ERBB4: variants seen among roughly 807,000 people sequenced by gnomAD.
ERBB4 encodes receptor tyrosine-protein kinase erbB-4.
ERBB4 carries 42 observed loss-of-function variants against 158.0 expected under a neutral mutation model. The ratio of observed to expected loss-of-function variants is 0.27; its 90% CI spans 0.21 to 0.34. The LOEUF (loss-of-function observed/expected upper bound fraction) is 0.34, where lower values mean the gene tolerates loss of function less well. Among genes scored for constraint, ERBB4 ranks in the 10% least tolerant of loss-of-function variants. ERBB4 has a pLI of 1.00. For synonymous variants in ERBB4, 583 were observed against 558.7 expected (o/e 1.04, Z -0.61); for missense variants, 1,333 against 1,624.1 (o/e 0.82, Z 3.08).
At chr2:211,861,096 A>ATTTTT (rs1559585756) in intron 3 of ERBB4, among the ~76,000 whole-genome samples, 3 of 34,200 alleles carry the variant, frequency 8.8e-5, no homozygotes, top group Non-Finnish European at 1.6e-4. Context: ...AAATATATAA[A>ATTTTT]TACATTATAT....
chr2:212,342,026 A>G, intron 1 of ERBB4, among the ~76,000 whole-genome samples: 1 of 152,182 alleles, frequency 6.6e-6, no homozygotes, highest in Non-Finnish European at 1.5e-5. Context: ...TGGGAGGTCA[A>G]GGCAGGAGGA....
At chr2:211,882,363 G>A (rs2078687106) in intron 3 of ERBB4, among the ~76,000 whole-genome samples, 1 of 152,088 alleles carries the variant, frequency 6.6e-6, no homozygotes, top group Admixed American at 6.5e-5. Flanking sequence ...AGCTTATGCT[G>A]AGAATGAAAG....
intron 2 of ERBB4, among the ~76,000 whole-genome samples, chr2:211,956,187 G>T (rs149613693): frequency 0.023 from 3,463 of 151,944 alleles, 58 homozygotes; most frequent in Middle Eastern, 0.071. Context: ...TTTCCTATCA[G>T]ATAAACACAT....
intron 2 of ERBB4, among the ~76,000 whole-genome samples, chr2:212,107,669 T>A (rs1028263604): frequency 2.0e-5 from 3 of 152,120 alleles, no homozygotes; most frequent in African/African-American, 7.2e-5. Context: ...TTTGGCTGTG[T>A]CCCCACCCAA....
chr2:211,921,271 T>C lies in ERBB4; in HGVS notation c.421+26159A>G, dbSNP rs187645697. On this transcript the variant is annotated intron_variant, in intron 3 of 27. Transcript: ENST00000342788. Reference sequence around the variant, plus strand: ...TCCTTTTTCCCTCTCTTTCTTGTCATTAACCTTTCTTGCTGGCTAACATGA... The same window carrying C: ...TCCTTTTTCCCTCTCTTTCTTGTCACTAACCTTTCTTGCTGGCTAACATGA... Among the ~76,000 whole-genome samples, 395 of 152,160 alleles carry C rather than the reference T, an allele frequency of 2.6e-3. 2 individuals are homozygous for C. The highest frequency in any genetic ancestry group is 8.9e-3 in the African/African-American group (370 of 41,576).
intron 12 of ERBB4, among the ~76,000 whole-genome samples, chr2:211,679,653 G>A (rs1445437372): frequency 1.4e-5 from 2 of 147,074 alleles, no homozygotes; most frequent in East Asian, 4.0e-4. Context: ...GGTAAGAAGG[G>A]GAGAAAGGAA....
At chr2:211,649,105 G>A (rs1298506864) in intron 16 of ERBB4, among the ~76,000 whole-genome samples, 1 of 151,752 alleles carries the variant, frequency 6.6e-6, no homozygotes, top group African/African-American at 2.4e-5. Flanking sequence ...CTTAGATCAT[G>A]GAATTTATTG....
chr2:212,164,424 A>G (rs1392040208), intron 1 of ERBB4, among the ~76,000 whole-genome samples: 1 of 152,038 alleles, frequency 6.6e-6, no homozygotes, highest in African/African-American at 2.4e-5. Context: ...AAAACTTAAA[A>G]TTAGATTTGT....
chr2:211,939,147 T>C (rs568497368), intron 3 of ERBB4, among the ~76,000 whole-genome samples: 1 of 152,172 alleles, frequency 6.6e-6, no homozygotes, highest in Non-Finnish European at 1.5e-5. Flanking sequence ...TTAAGACCTA[T>C]TGCTCAAGTT....
chr2:211,672,624 C>A (rs760550839), intron 14 of ERBB4, among the ~76,000 whole-genome samples: 1 of 152,200 alleles, frequency 6.6e-6, no homozygotes, highest in Non-Finnish European at 1.5e-5. Flanking sequence ...CACAGTGCCA[C>A]AACAGTTAAA....
intron 2 of ERBB4, among the ~76,000 whole-genome samples, chr2:212,055,571 G>A (rs2077535994): frequency 1.3e-5 from 2 of 152,242 alleles, no homozygotes. Context: ...GTACCCCGCT[G>A]AGATGAAGCT....
rs1216142512 is a variant in ERBB4 at position 211,380,192 on chromosome 2, C to T, written c.*3423G>A. ...ATGTTACTGGAGAAAGGATTCTCATCCTAAGCTGTGCTACTAATACTATGC... is the reference window on the plus strand; with the variant it reads ...ATGTTACTGGAGAAAGGATTCTCATTCTAAGCTGTGCTACTAATACTATGC... On this transcript the variant is annotated 3_prime_UTR_variant, in exon 28 of 28. Transcript: ENST00000342788. The T allele has an allele frequency of 8.6e-6, 2 of 232,042 alleles. No homozygotes were observed. The highest frequency in any genetic ancestry group is 1.7e-5 in the Non-Finnish European group (2 of 117,428). 14.4% of individuals were successfully genotyped at this position (232,042 alleles called of 1,614,324 possible).
chr2:211,726,762 G>T (rs956885513), intron 5 of ERBB4, among the ~76,000 whole-genome samples: 5 of 152,044 alleles, frequency 3.3e-5, no homozygotes, highest in Non-Finnish European at 7.4e-5. Flanking sequence ...GCTTGAACCT[G>T]TAAGCCAACG....
chr2:211,866,558 C>G (rs2078210004), intron 3 of ERBB4, among the ~76,000 whole-genome samples: 1 of 152,200 alleles, frequency 6.6e-6, no homozygotes, highest in Non-Finnish European at 1.5e-5. Context: ...AACAATTGCT[C>G]TACTCAGAAT....
chr2:211,902,758 AT>A (rs1280411642), intron 3 of ERBB4, among the ~76,000 whole-genome samples: 2 of 151,718 alleles, frequency 1.3e-5, no homozygotes, highest in Non-Finnish European at 2.9e-5. Flanking sequence ...TTATCAGACT[AT>A]TTTGAACTAT....
chr2:211,591,697 A>G (rs1304545412), intron 19 of ERBB4, among the ~76,000 whole-genome samples: 1 of 152,004 alleles, frequency 6.6e-6, no homozygotes, highest in East Asian at 1.9e-4. Flanking sequence ...AAGCAAAGAG[A>G]GTCTCTTAAA....
intron 1 of ERBB4, among the ~76,000 whole-genome samples, chr2:212,432,902 C>G (rs1477869992): frequency 6.6e-6 from 1 of 152,012 alleles, no homozygotes; most frequent in African/African-American, 2.4e-5. Flanking sequence ...GCCACAAACT[C>G]TGGAATCATC....
At chr2:211,637,841 A>G (rs1393558127) in intron 16 of ERBB4, among the ~76,000 whole-genome samples, 1 of 151,812 alleles carries the variant, frequency 6.6e-6, no homozygotes, top group Non-Finnish European at 1.5e-5. Flanking sequence ...TTAAACTTTC[A>G]CCTATTGTAT....
intron 1 of ERBB4, among the ~76,000 whole-genome samples, chr2:212,297,514 T>A (rs966610664): frequency 2.0e-5 from 3 of 151,892 alleles, no homozygotes; most frequent in African/African-American, 7.2e-5. Context: ...AAAAGACACA[T>A]AAGCTTTTTA....
Sources: allele counts gnomAD v4.1 joint callset (sites outside exome capture counted in the v4.1 genomes callset), GRCh38; gene constraint gnomAD v4.1.1; transcripts MANE v1.5; gene names NCBI Gene and HGNC (gene_info 2026-07-23, HGNC 2026-07-21).